Variants in GON4L observed in about 807,000 individuals in gnomAD.
GON4L encodes the protein gon-4 like.
In GON4L, 87 loss-of-function variants were observed where a neutral mutation model predicts 211.8. That is an observed-to-expected ratio of 0.41 (90% CI 0.35 to 0.49). GON4L has a LOEUF of 0.49. Among genes scored for constraint, GON4L ranks in the 20% least tolerant of loss-of-function variants. The probability of loss-of-function intolerance (pLI) is 0.15; values close to 1 mark genes in which losing one functional copy is unlikely to be tolerated. For synonymous variants in GON4L, 875 were observed against 962.6 expected (o/e 0.91, Z 1.68); for missense variants, 2,155 against 2,659.5 (o/e 0.81, Z 4.17).
chr1:155,764,764 A>C (rs973007533), intron 21 of GON4L: 2 of 1,203,582 alleles, frequency 1.7e-6, no homozygotes, highest in African/African-American at 3.0e-5. Flanking sequence ...AGGCATTTAA[A>C]GTATGGTCAG....
rs770547831 is a variant in GON4L at position 155,776,451 on chromosome 1, G to C, written c.2122C>G (p.Leu708Val). Residue 708 changes from leucine (L) to valine (V), a missense_variant, in exon 16 of 32, where the codon CTT (leucine) becomes GTT (valine). By Grantham distance (32) the Leu-to-Val change is conservative. Around this residue, in one of 6 missense-constraint regions of GON4L, gnomAD observed 551 missense variants for 854.0 expected, o/e 0.65. Transcript: ENST00000368331. ...TTGAGGTTGGGGTTGCAGGTGGCAA[G>C]AAGGTGGATTTGGGTCAAGAGCTGA... is the stretch of plus-strand genomic sequence containing the variant. Reference protein sequence around the residue: ...HVQLLTQIHLLATCNPNLNPE... With the variant: ...HVQLLTQIHLVATCNPNLNPE... 1.2e-6 allele frequency: 2 copies of C among 1,613,572 alleles called. No homozygotes were observed. Among genetic ancestry groups the C allele is most frequent in the Admixed American group, 3.3e-5 (2 of 60,018 alleles).
intron 10 of GON4L, among the ~76,000 whole-genome samples, chr1:155,805,988 GTTT>G (rs58821661): frequency 5.3e-5 from 7 of 133,320 alleles, no homozygotes; most frequent in Admixed American, 7.6e-5. Flanking sequence ...CATGCCTGGT[GTTT>G]TTTTTTTTTT....
chr1:155,783,943 A>C (rs769073231), intron 14 of GON4L, 43 bp downstream of exon 14: 2 of 1,610,704 alleles, frequency 1.2e-6, no homozygotes, highest in East Asian at 2.2e-5. Context: ...TCAGAAATAA[A>C]CTTTTCCTCT....
In GON4L at chr1:155,766,578, A is replaced by T. The variant is rs1398403403; in HGVS notation, c.2895T>A (p.Ser965Arg). The T allele has an allele frequency of 1.2e-6, 2 of 1,613,432 alleles. No homozygotes were observed. Among genetic ancestry groups the T allele is most frequent in the African/African-American group, 2.7e-5 (2 of 74,684 alleles). The stretch of plus-strand genomic sequence containing the variant: ...GCAATAGCAGTGGGTACCGAGATTC[A>T]CTCCCCAACTCCAAATTGTCTTTTT... ...SLEKDNLELG[S>R]ESRYPLLLPK... Residue 965 changes from serine to arginine, a missense_variant, in exon 21 of 32, where the codon AGT (serine) becomes AGA (arginine). By Grantham distance (110) the Ser-to-Arg change is moderately radical. This residue lies in a region of GON4L where 615 missense variants were observed against 625.7 expected (regional missense o/e 0.98). Transcript: ENST00000368331.
intron 20 of GON4L, 184 bp downstream of exon 20, chr1:155,767,241 T>C (rs1662610439): frequency 7.3e-7 from 1 of 1,370,624 alleles, no homozygotes; most frequent in African/African-American, 1.5e-5. Context: ...ACCTATTATT[T>C]TGAAAATGCT....
At position 155,773,195 on chromosome 1, in the gene GON4L, C is replaced by A; in HGVS notation, c.2366G>T (p.Cys789Phe). Residue 789 changes from cysteine to phenylalanine, a missense_variant, in exon 18 of 32, where the codon TGT becomes TTT. Around this residue, in one of 6 missense-constraint regions of GON4L, gnomAD observed 551 missense variants for 854.0 expected, o/e 0.65. Coordinates refer to ENST00000368331, the MANE Select transcript of GON4L (RefSeq NM_001282860.2). ...AATCCAAGCCACTTGCTTTGGCAAA[C>A]AGGGAAATTCATTCGCTATAAGAAA... Reference protein sequence around the residue: ...TVKKTANEFPCLPKQVAWILA... With the variant: ...TVKKTANEFPFLPKQVAWILA... 6.2e-7 allele frequency: 1 copy of A among 1,614,082 alleles called. No individual in the cohort carries two copies. The highest frequency in any genetic ancestry group is 8.5e-7 in the Non-Finnish European group (1 of 1,179,968).
rs1663392129 is a variant in GON4L at position 155,773,202 on chromosome 1, A to T, written c.2359T>A (p.Phe787Ile). The change falls in exon 18 of 32, where the codon TTT becomes ATT. Residue 787 changes from phenylalanine (F) to isoleucine (I), a missense_variant. Transcript: ENST00000368331. ...GCCACTTGCTTTGGCAAACAGGGAAATTCATTCGCTATAAGAAAATAAATC... is the reference window on the plus strand; with the variant it reads ...GCCACTTGCTTTGGCAAACAGGGAATTTCATTCGCTATAAGAAAATAAATC... ...HKTVKKTANE[F>I]PCLPKQVAWI... 6.2e-7 allele frequency: 1 copy of T among 1,613,996 alleles called. No homozygotes were observed. The highest frequency in any genetic ancestry group is 8.5e-7 in the Non-Finnish European group (1 of 1,179,966).
rs1232455789 is a variant in GON4L at position 155,777,825 on chromosome 1, TC to T, written c.1893-6del. 5 of 1,587,542 alleles carry T rather than the reference TC, an allele frequency of 3.1e-6. No homozygotes were observed. The highest frequency in any genetic ancestry group is 4.3e-6 in the Non-Finnish European group (5 of 1,156,512). ...TTGGCCAGTGGTTCCTCAAACCTAT[TC>T]CCAACAGGGAGATGACTGAATTTGA... On this transcript the variant is annotated splice_polypyrimidine_tract_variant and splice_region_variant and intron_variant, in intron 14 of 31. Transcript: ENST00000368331.
intron 20 of GON4L, chr1:155,767,192 A>T: frequency 9.5e-7 from 1 of 1,051,664 alleles, no homozygotes; most frequent in Non-Finnish European, 1.4e-6. Context: ...TATACACTTT[A>T]GAAACTTCTG....
At chr1:155,790,862 T>G (rs925250624) in intron 12 of GON4L, among the ~76,000 whole-genome samples, 1 of 151,554 alleles carries the variant, frequency 6.6e-6, no homozygotes, top group African/African-American at 2.4e-5. Context: ...GAGATTCACT[T>G]GAACCAGGGA....
intron 12 of GON4L, 52 bp downstream of exon 12, chr1:155,794,996 CAA>C (rs1274495275): frequency 2.0e-6 from 2 of 1,014,390 alleles, no homozygotes; most frequent in East Asian, 4.7e-5. Context: ...ACAAAGTAAA[CAA>C]AGACAGCTGC....
At chr1:155,754,524 GTTTTTTTT>G in intron 27 of GON4L, 36 bp from the exon 28 acceptor site, 11 of 475,396 alleles carry the variant, frequency 2.3e-5, no homozygotes, top group African/African-American at 5.6e-5. Context: ...CTGCCAAGTT[GTTTTTTTT>G]TTTTTTTTTT....
Position 155,765,824 on chromosome 1 carries a change from T to A in GON4L, c.3649A>T (p.Ile1217Leu). Residue 1217 changes from isoleucine to leucine, a missense_variant, in exon 21 of 32, where the codon ATA (isoleucine) becomes TTA (leucine). Physicochemically the swap from Ile to Leu is conservative, Grantham distance 5 (BLOSUM62 2). Coordinates refer to ENST00000368331, the MANE Select transcript of GON4L (RefSeq NM_001282860.2). ...GCCTTATCTTCAGGGGTGGATGGTA[T>A]AGGAAGATTCACAGAATTGCCAGAA... ...IVSGNSVNLP[I>L]PSTPEDKAHV... The A allele has an allele frequency of 1.2e-6, 2 of 1,614,132 alleles. No individual in the cohort carries two copies. The highest frequency in any genetic ancestry group is 1.7e-6 in the Non-Finnish European group (2 of 1,180,036).
chr1:155,845,445 A>T, intron 2 of GON4L: 1 of 345,244 alleles, frequency 2.9e-6, no homozygotes. Flanking sequence ...GATCATTTCA[A>T]CAGAATCAGC....
intron 3 of GON4L, among the ~76,000 whole-genome samples, chr1:155,823,721 C>T (rs2102273359): frequency 6.6e-6 from 1 of 152,092 alleles, no homozygotes; most frequent in African/African-American, 2.4e-5. Context: ...ATGGTGAAAC[C>T]TCGTCTCTAC....
intron 15 of GON4L, 148 bp from the exon 16 acceptor site, chr1:155,776,629 C>T: frequency 1.4e-6 from 1 of 725,548 alleles, no homozygotes; most frequent in Non-Finnish European, 2.5e-6. Context: ...TGGCTCCACG[C>T]CCTCTCAACT....
chr1:155,777,735 A>C lies in GON4L; in HGVS notation c.1978T>G (p.Ser660Ala). The C allele has an allele frequency of 6.2e-7, 1 of 1,612,736 alleles. No homozygotes were observed. The highest frequency in any genetic ancestry group is 8.5e-7 in the Non-Finnish European group (1 of 1,178,766). The change falls in exon 15 of 32, where the codon TCA becomes GCA. Residue 660 changes from serine (S) to alanine (A), a missense_variant. This residue lies in a region of GON4L where 551 missense variants were observed against 854.0 expected (regional missense o/e 0.65). Coordinates refer to ENST00000368331, the MANE Select transcript of GON4L (RefSeq NM_001282860.2). ...TCTACTTCCTGCAGCTGTTTGGCTG[A>C]AGATTTCTTCATCTTCAGCTGTTCA... is the stretch of plus-strand genomic sequence containing the variant. ...LFEQLKMKKS[S>A]AKQLQEVEKV...
intron 11 of GON4L, among the ~76,000 whole-genome samples, chr1:155,797,386 G>A (rs900343475): frequency 1.7e-4 from 26 of 151,726 alleles, no homozygotes; most frequent in African/African-American, 5.3e-4. Context: ...AAAGTGCTGG[G>A]ATTACAGGCG....
intron 29 of GON4L, 23 bp from the exon 30 acceptor site, chr1:155,752,613 CAG>C: frequency 1.3e-6 from 2 of 1,564,678 alleles, no homozygotes; most frequent in South Asian, 2.3e-5. Context: ...ATAAGGATCT[CAG>C]GGTACTGTCA....
Sources: allele counts gnomAD v4.1 joint callset (sites outside exome capture counted in the v4.1 genomes callset), GRCh38; gene constraint gnomAD v4.1.1; regional missense constraint gnomAD v4.1.1; transcripts MANE v1.5; gene names NCBI Gene and HGNC (gene_info 2026-07-23, HGNC 2026-07-21).